BRI3: variants seen among roughly 807,000 people sequenced by gnomAD.
The protein encoded by BRI3 is brain protein I3, also known as membrane protein BRI3.
In BRI3, 6 loss-of-function variants were observed where a neutral mutation model predicts 12.8. The observed-to-expected ratio is 0.47, with a 90% CI of 0.26 to 0.93. The LOEUF (loss-of-function observed/expected upper bound fraction) is 0.93, where lower values mean the gene tolerates loss of function less well. Ranked by LOEUF, BRI3 falls within the 40% of genes least tolerant of loss-of-function variation. The probability of loss-of-function intolerance (pLI) is 0.15; values close to 1 mark genes in which losing one functional copy is unlikely to be tolerated. For missense variants in BRI3, 134 were observed against 171.1 expected, an observed-to-expected ratio of 0.78 and a Z score of 1.21; for synonymous variants, 91 against 76.1, an observed-to-expected ratio of 1.20 and a Z score of -1.02.
chr7:98,313,953 T>C (rs1800975734), downstream of BRI3, among the ~76,000 whole-genome samples: 1 of 150,874 alleles, frequency 6.6e-6, no homozygotes, highest in Non-Finnish European at 1.5e-5. Flanking sequence ...TTAAATCTTA[T>C]TTAGGGAGCT....
upstream of BRI3, among the ~76,000 whole-genome samples, chr7:98,304,827 A>G (rs1800576927): frequency 6.6e-6 from 1 of 151,326 alleles, no homozygotes; most frequent in Non-Finnish European, 1.5e-5. Context: ...CTAAAACACT[A>G]ATGTTTTTAG....
intron 2 of BRI3, among the ~76,000 whole-genome samples, chr7:98,286,492 G>T (rs1799715062): frequency 2.0e-5 from 3 of 152,332 alleles, no homozygotes; most frequent in African/African-American, 7.2e-5. Flanking sequence ...GAGAGAGCCG[G>T]TCAGGACCAG....
chr7:98,301,923 A>C (rs1176487218), upstream of BRI3, among the ~76,000 whole-genome samples: 1 of 152,124 alleles, frequency 6.6e-6, no homozygotes, highest in Non-Finnish European at 1.5e-5. Context: ...CACCCCCTGC[A>C]GGCAGCCCCA....
intron 2 of BRI3, among the ~76,000 whole-genome samples, chr7:98,283,762 G>A (rs949267994): frequency 6.6e-5 from 10 of 152,220 alleles, no homozygotes; most frequent in African/African-American, 1.9e-4. Context: ...CAGGAACAGC[G>A]GGGCTTGTTT....
upstream of BRI3, among the ~76,000 whole-genome samples, chr7:98,303,097 T>C (rs146977288): frequency 6.6e-6 from 1 of 152,332 alleles, no homozygotes; most frequent in East Asian, 1.9e-4. Flanking sequence ...TCAAAGACAT[T>C]TTGAATGAAG....
At chr7:98,304,484 C>G (rs1006390453), upstream of BRI3, 28 of 1,066,704 alleles carry the variant, frequency 2.6e-5, no homozygotes, top group African/African-American at 3.3e-4. Context: ...CATCACCAAT[C>G]AAAACCTGAT....
At position 98,281,720 on chromosome 7, in the gene BRI3, C is replaced by T. The variant is rs904502813; in HGVS notation, c.-76C>T. 1.5e-5 allele frequency: 8 copies of T among 532,562 alleles called. No individual in the cohort carries two copies. The highest frequency in any genetic ancestry group is 8.1e-5 in the South Asian group (1 of 12,418). 33.0% of individuals were successfully genotyped at this position (532,562 alleles called of 1,614,324 possible). ...CGAGCCACCCGGTCCGCCGCGTCCC[C>T]GCCGCCGCCGCCGCGTCCCCCGCCG... On this transcript the variant is annotated 5_prime_UTR_variant, in exon 1 of 3. Transcript: ENST00000297290.
downstream of BRI3, among the ~76,000 whole-genome samples, chr7:98,297,290 G>A (rs895847930): frequency 1.3e-5 from 2 of 152,164 alleles, no homozygotes; most frequent in Non-Finnish European, 2.9e-5. Context: ...CCGACTGTAC[G>A]GAGCTTCCAG....
upstream of BRI3, chr7:98,304,257 TCTGCTC>T: frequency 6.2e-7 from 1 of 1,613,772 alleles, no homozygotes; most frequent in South Asian, 1.1e-5. Flanking sequence ...CCTGGCCGAA[TCTGCTC>T]TCCTGTCGGC....
At chr7:98,310,184 T>G in exon 2 of BRI3, 2 of 409,422 alleles carry the variant, frequency 4.9e-6, no homozygotes. Flanking sequence ...TTCTCAACAG[T>G]ATGTTTACTC....
the BRI3 span, among the ~76,000 whole-genome samples, chr7:98,319,454 G>A: frequency 6.6e-5 from 10 of 152,140 alleles, no homozygotes; most frequent in Non-Finnish European, 1.0e-4. Context: ...CAGCTGCAGC[G>A]ACAGAAGCAC....
downstream of BRI3, chr7:98,312,161 G>T (rs759479268): frequency 5.0e-6 from 8 of 1,614,022 alleles, no homozygotes; most frequent in Admixed American, 1.0e-4. Flanking sequence ...AGAGGCTGGG[G>T]TCTTTATTTC....
chr7:98,316,142 A>G, the BRI3 span, among the ~76,000 whole-genome samples: 1 of 152,176 alleles, frequency 6.6e-6, no homozygotes, highest in African/African-American at 2.4e-5. Flanking sequence ...GGCTTCATAA[A>G]GGGAGTTTCC....
chr7:98,311,855 G>C (rs547853653), downstream of BRI3, among the ~76,000 whole-genome samples: 1 of 152,208 alleles, frequency 6.6e-6, no homozygotes, highest in South Asian at 2.1e-4. Context: ...GCAGTGAGCC[G>C]AGATCACTCC....
chr7:98,315,061 G>T (rs1801023110), downstream of BRI3, among the ~76,000 whole-genome samples: 1 of 152,188 alleles, frequency 6.6e-6, no homozygotes. Flanking sequence ...TTGGCAAAAT[G>T]GCCCACTGCT....
downstream of BRI3, chr7:98,294,112 C>G (rs1325955825): frequency 6.2e-7 from 1 of 1,613,998 alleles, no homozygotes; most frequent in Non-Finnish European, 8.5e-7. Context: ...TGGCATCGTT[C>G]TGTGAGAAAG....
chr7:98,285,908 CCT>C lies in BRI3; in HGVS notation c.245+3456_245+3457del, dbSNP rs1182712310. On this transcript the variant is annotated intron_variant, in intron 2 of 2. Coordinates refer to ENST00000297290, the MANE Select transcript of BRI3 (RefSeq NM_015379.5). The stretch of plus-strand genomic sequence containing the variant: ...CAGGCCCTCAGCCCTCTGAGGAAGC[CCT>C]GCGTCTCCCCTTTTCCTGGCGAGGC... 3.9e-5 allele frequency among the ~76,000 whole-genome samples: 6 copies of C among 152,136 alleles called. 1 individual carries two copies. Among genetic ancestry groups the C allele is most frequent in the Admixed American group, 3.9e-4 (6 of 15,286 alleles).
At chr7:98,287,501 G>A (rs921326045) in intron 2 of BRI3, among the ~76,000 whole-genome samples, 4 of 152,176 alleles carry the variant, frequency 2.6e-5, no homozygotes, top group Non-Finnish European at 2.9e-5. Context: ...TTGCAGCCCC[G>A]GGGCTGGGAA....
downstream of BRI3, chr7:98,310,574 T>C (rs974517647): frequency 3.8e-6 from 6 of 1,589,600 alleles, no homozygotes; most frequent in Non-Finnish European, 5.1e-6. Context: ...TTAGAAAGGG[T>C]GTCGTAATCT....
Sources: allele counts gnomAD v4.1 joint callset (sites outside exome capture counted in the v4.1 genomes callset), GRCh38; gene constraint gnomAD v4.1.1; transcripts MANE v1.5; gene names NCBI Gene and HGNC (gene_info 2026-07-23, HGNC 2026-07-21).